Variants in TCF20 observed in about 807,000 individuals in gnomAD.
TCF20 encodes the protein SPRE-binding protein.
TCF20 carries 3 observed loss-of-function variants against 148.6 expected under a neutral mutation model. The ratio of observed to expected loss-of-function variants is 0.02; its 90% CI spans 0.01 to 0.05. TCF20 has a LOEUF of 0.05. TCF20 is among the 10% of genes least tolerant of loss of function. The pLI is 1.00. For missense variants in TCF20, 2,350 were observed against 2,429.3 expected, an observed-to-expected ratio of 0.97 and a Z score of 0.69; for synonymous variants, 1,049 against 909.5, an observed-to-expected ratio of 1.15 and a Z score of -2.76.
chr22:42,266,575 C>G (rs569718730), intron 1 of TCF20, among the ~76,000 whole-genome samples: 1 of 151,730 alleles, frequency 6.6e-6, no homozygotes, highest in Admixed American at 6.6e-5. Context: ...ATCAGGAGTT[C>G]GAGACTGGCC....
chr22:42,297,961 C>T lies in TCF20; in HGVS notation c.-37+45518G>A, dbSNP rs1927265406. Among the ~76,000 whole-genome samples the T allele has an allele frequency of 6.6e-6, 1 of 152,192 alleles. No homozygotes were observed. The highest frequency in any genetic ancestry group is 2.1e-4 in the South Asian group (1 of 4,832). On this transcript the variant is annotated intron_variant, in intron 1 of 1. Transcript: ENST00000515426. This position sits in a 1 kb window ranked among gnomAD's most constrained non-coding sequence, Gnocchi z 4.3. Reference sequence around the variant, plus strand: ...GGGCCTGGGGGTGCAAAGGTGACCGCTCAGCCCAGCTGCTCACATCTGTAC... The same window carrying T: ...GGGCCTGGGGGTGCAAAGGTGACCGTTCAGCCCAGCTGCTCACATCTGTAC...
At position 42,210,710 on chromosome 22, in the gene TCF20, T is replaced by A. The variant is rs1490343589; in HGVS notation, c.4596A>T (p.Gly1532=). The A allele has an allele frequency of 6.2e-7, 1 of 1,614,234 alleles. No individual in the cohort carries two copies. The highest frequency in any genetic ancestry group is 8.5e-7 in the Non-Finnish European group (1 of 1,180,042). ...CCTTCTTCTTTCCTGATGGGAAATATCCCTTTGGAGGGAAACCCTCTTGCT... is the reference window on the plus strand; with the variant it reads ...CCTTCTTCTTTCCTGATGGGAAATAACCCTTTGGAGGGAAACCCTCTTGCT... ...SPKQEGFPPK[G]YFPSGKKKGR... Residue 1532 remains glycine (G), a synonymous_variant, in exon 2 of 6, where the codon GGA becomes GGT. Transcript: ENST00000677622. This position sits in a 1 kb window ranked among gnomAD's most constrained non-coding sequence, Gnocchi z 4.7.
chr22:42,226,882 G>A (rs560777567), intron 1 of TCF20, among the ~76,000 whole-genome samples: 30 of 152,188 alleles, frequency 2.0e-4, no homozygotes, highest in African/African-American at 7.2e-4. Context: ...CAGAACAAAT[G>A]GTATAGCTAG....
chr22:42,225,174 T>A (rs979700561), intron 1 of TCF20, among the ~76,000 whole-genome samples: 2 of 151,994 alleles, frequency 1.3e-5, no homozygotes, highest in Non-Finnish European at 2.9e-5. Context: ...TTTTGTATTT[T>A]TAGTAGAGAC....
chr22:42,187,480 G>A (rs1937101115), intron 2 of TCF20, among the ~76,000 whole-genome samples: 1 of 152,202 alleles, frequency 6.6e-6, no homozygotes, highest in African/African-American at 2.4e-5. Flanking sequence ...GCTGAGTGGT[G>A]GTTGGGTGGT....
rs1485093590 is a variant in TCF20, at chr22:42,299,402, ACT to A, written c.-37+44075_-37+44076del. ...CTTACCTTGCTCTCCCTCCCCATGG[ACT>A]CTCTCTCCCATCTCCCCTCCCCACT... On this transcript the variant is annotated intron_variant, in intron 1 of 1. Transcript: ENST00000515426. This position sits in a 1 kb window ranked among gnomAD's most constrained non-coding sequence, Gnocchi z 4.1. Among the ~76,000 whole-genome samples, 1 of 150,562 alleles carries A rather than the reference ACT, an allele frequency of 6.6e-6. No individual in the cohort carries two copies. The highest frequency in any genetic ancestry group is 2.4e-5 in the African/African-American group (1 of 40,820).
rs3045578 is a variant in TCF20 at position 42,243,292 on chromosome 22, C to CAAAAAAAAAAAAAAAAAAAAA, written c.-37+27026_-37+27046dup. ...TGGCTGGCAGAGCAAGACACTGTCT[C>CAAAAAAAAAAAAAAAAAAAAA]AAAAAAAAAAAAAAAAAAAAAAAAA... On this transcript the variant is annotated intron_variant, in intron 1 of 5. Coordinates refer to ENST00000677622, the MANE Select transcript of TCF20 (RefSeq NM_001378418.1). Among the ~76,000 whole-genome samples, 14 of 39,500 alleles carry CAAAAAAAAAAAAAAAAAAAAA rather than the reference C, an allele frequency of 3.5e-4. 3 individuals are homozygous for CAAAAAAAAAAAAAAAAAAAAA. The highest frequency in any genetic ancestry group is 9.4e-4 in the African/African-American group (11 of 11,756). 25.9% of individuals were successfully genotyped at this position (39,500 alleles called of 152,430 possible). A position where few individuals can be genotyped will look rare whatever the true frequency, so the allele number is the denominator to read the frequency against.
intron 1 of TCF20, among the ~76,000 whole-genome samples, chr22:42,330,618 A>G (rs1927956888): frequency 6.6e-6 from 1 of 152,192 alleles, no homozygotes. Flanking sequence ...TATTTATTAA[A>G]TGAATAAATA....
chr22:42,319,460 C>G (rs1258940629), intron 1 of TCF20, among the ~76,000 whole-genome samples: 1 of 152,178 alleles, frequency 6.6e-6, no homozygotes, highest in Non-Finnish European at 1.5e-5. Context: ...AGGCTTCTCT[C>G]CCCAGACCTC....
chr22:42,252,943 A>G (rs1925498194), intron 1 of TCF20, among the ~76,000 whole-genome samples: 1 of 152,106 alleles, frequency 6.6e-6, no homozygotes, highest in Non-Finnish European at 1.5e-5. Flanking sequence ...AATGTTTAAC[A>G]AAAATAAAAT....
At chr22:42,187,961 G>A (rs1242234017) in intron 2 of TCF20, among the ~76,000 whole-genome samples, 1 of 152,088 alleles carries the variant, frequency 6.6e-6, no homozygotes, top group Non-Finnish European at 1.5e-5. Context: ...AGAAGATTCT[G>A]TCACATACCT....
chr22:42,274,626 T>G (rs1192092962), upstream of TCF20: 1 of 152,248 alleles, frequency 6.6e-6, no homozygotes, highest in Non-Finnish European at 1.5e-5. Context: ...CTTAGAGCAT[T>G]GACATGTTTG....
upstream of TCF20, among the ~76,000 whole-genome samples, chr22:42,273,302 G>A (rs1480125106): frequency 1.5e-5 from 2 of 131,392 alleles, no homozygotes; most frequent in Non-Finnish European, 3.1e-5. Flanking sequence ...AAAGGTTGCA[G>A]TTAGCTGAGA....
chr22:42,280,428 G>A (rs887212671), intron 1 of TCF20, among the ~76,000 whole-genome samples: 1 of 152,198 alleles, frequency 6.6e-6, no homozygotes, highest in Admixed American at 6.5e-5. Flanking sequence ...ACTTCCCTCT[G>A]TTCTTGCCTT....
intron 2 of TCF20, among the ~76,000 whole-genome samples, chr22:42,203,301 T>C (rs932248587): frequency 6.6e-6 from 1 of 152,178 alleles, no homozygotes; most frequent in East Asian, 1.9e-4. Flanking sequence ...ATAAGCCACC[T>C]TGCCCAGCCT....
intron 1 of TCF20, among the ~76,000 whole-genome samples, chr22:42,312,721 TC>T (rs1927558199): frequency 1.3e-5 from 2 of 152,066 alleles, no homozygotes; most frequent in African/African-American, 4.8e-5. Flanking sequence ...AGCCTCAGGC[TC>T]CCCATCTGCA....
At chr22:42,230,594 G>C (rs771975070) in intron 1 of TCF20, among the ~76,000 whole-genome samples, 1 of 151,798 alleles carries the variant, frequency 6.6e-6, no homozygotes, top group East Asian at 1.9e-4. Context: ...GCAGTGAGCC[G>C]AGATCATGCC....
At chr22:42,328,501 C>T (rs949762156) in intron 1 of TCF20, among the ~76,000 whole-genome samples, 2 of 152,170 alleles carry the variant, frequency 1.3e-5, no homozygotes, top group East Asian at 1.9e-4. Context: ...GGTCTGGTCC[C>T]CTGTCCAGCC....
At chr22:42,342,885 G>C (rs1928193309) in intron 1 of TCF20, among the ~76,000 whole-genome samples, 1 of 152,146 alleles carries the variant, frequency 6.6e-6, no homozygotes, top group East Asian at 1.9e-4. Flanking sequence ...CCAAGGCCAG[G>C]GAGCTAAGGG....
Sources: allele counts gnomAD v4.1 joint callset (sites outside exome capture counted in the v4.1 genomes callset), GRCh38; gene constraint gnomAD v4.1.1; non-coding constraint Gnocchi (gnomAD v3.1); transcripts MANE v1.5; gene names NCBI Gene and HGNC (gene_info 2026-07-23, HGNC 2026-07-21).